Variants in HSP90AA1 observed in about 807,000 individuals in gnomAD.
HSP90AA1 encodes heat shock protein HSP 90-alpha.
A neutral mutation model predicts 73.3 loss-of-function variants in HSP90AA1; 18 were observed. The ratio of observed to expected loss-of-function variants is 0.25; its 90% CI spans 0.17 to 0.36. The LOEUF (loss-of-function observed/expected upper bound fraction) is 0.36, where lower values mean the gene tolerates loss of function less well. Among genes scored for constraint, HSP90AA1 ranks in the 10% least tolerant of loss-of-function variants. HSP90AA1 has a pLI of 1.00. For synonymous variants in HSP90AA1, 477 were observed against 296.9 expected, an observed-to-expected ratio of 1.61 and a Z score of -6.24; for missense variants, 704 against 874.2, an observed-to-expected ratio of 0.81 and a Z score of 2.45.
intron 2 of HSP90AA1, chr14:102,101,848 A>G (rs1385845660): frequency 2.6e-6 from 4 of 1,566,074 alleles, no homozygotes; most frequent in Non-Finnish European, 1.8e-6. Flanking sequence ...TGTTTAGGAT[A>G]GTAATTTTAA....
At chr14:102,092,443 G>T (rs1255778385) in intron 2 of HSP90AA1, among the ~76,000 whole-genome samples, 4 of 151,822 alleles carry the variant, frequency 2.6e-5, no homozygotes, top group Non-Finnish European at 5.9e-5. Flanking sequence ...TAAATTTATT[G>T]GGCCTTGTTT....
intron 1 of HSP90AA1, among the ~76,000 whole-genome samples, chr14:102,132,495 C>T (rs1051727107): frequency 1.3e-5 from 2 of 151,214 alleles, no homozygotes; most frequent in African/African-American, 4.9e-5. Flanking sequence ...TGCAATGAGC[C>T]GGGCCTGTAC....
chr14:102,095,324 T>C (rs915379004), intron 2 of HSP90AA1, among the ~76,000 whole-genome samples: 1 of 152,044 alleles, frequency 6.6e-6, no homozygotes, highest in Admixed American at 6.5e-5. Context: ...TGGGGGTGCT[T>C]GGGTGTGGGA....
rs779114579 is a variant in HSP90AA1, at chr14:102,083,076, G to C, written c.1713C>G (p.Leu571=). 18 of 1,613,822 alleles carry C rather than the reference G, an allele frequency of 1.1e-5. No individual in the cohort carries two copies. The East Asian group carries it at 4.0e-4, about 36-fold the overall frequency. The change falls in exon 9 of 11, where the codon CTC becomes CTG. Residue 571 remains leucine (L), a synonymous_variant. Coordinates refer to ENST00000216281, the MANE Select transcript of HSP90AA1 (RefSeq NM_005348.4). ...QEEKKTKFEN[L]CKIMKDILEK... The stretch of plus-strand genomic sequence containing the variant: ...CCAATATGTCTTTCATGATTTTGCA[G>C]AGGTTCTCAAACTTTGTTTTTTTCT...
At chr14:102,082,548 T>C in intron 9 of HSP90AA1, 104 bp from the exon 10 acceptor site, 1 of 817,452 alleles carries the variant, frequency 1.2e-6, no homozygotes, top group Non-Finnish European at 2.0e-6. Context: ...TCCAAAATAC[T>C]ATCTACTGTC....
At chr14:102,128,434 C>T (rs2049863984) in intron 1 of HSP90AA1, among the ~76,000 whole-genome samples, 1 of 152,002 alleles carries the variant, frequency 6.6e-6, no homozygotes, top group Non-Finnish European at 1.5e-5. Flanking sequence ...TCGAGACCAG[C>T]CTGGCCAACA....
intron 1 of HSP90AA1, among the ~76,000 whole-genome samples, chr14:102,113,542 T>C (rs566279708): frequency 8.6e-4 from 130 of 150,324 alleles, no homozygotes; most frequent in African/African-American, 3.1e-3. Flanking sequence ...TGCCCCACCA[T>C]GCCTGGCTAA....
intron 2 of HSP90AA1, among the ~76,000 whole-genome samples, chr14:102,100,914 CT>C (rs2049484450): frequency 1.3e-5 from 2 of 152,206 alleles, no homozygotes; most frequent in African/African-American, 4.8e-5. Flanking sequence ...GACGTATAAA[CT>C]CTGACATGGC....
rs2049095803 is a variant in HSP90AA1, at chr14:102,081,433, C to T, written c.*279G>A. ...GGCTTGACAGCTAAACACTTTAGAC[C>T]ACAAAGTTAACATCATGTTACATAC... is the stretch of plus-strand genomic sequence containing the variant. On this transcript the variant is annotated 3_prime_UTR_variant, in exon 11 of 11. Transcript: ENST00000216281. 2.6e-6 allele frequency: 1 copy of T among 391,472 alleles called. No homozygotes were observed. Among genetic ancestry groups the T allele is most frequent in the African/African-American group, 3.5e-5 (1 of 28,868 alleles). 24.2% of individuals were successfully genotyped at this position (391,472 alleles called of 1,614,324 possible).
upstream of HSP90AA1, among the ~76,000 whole-genome samples, chr14:102,089,257 T>C (rs1347913893): frequency 6.6e-6 from 1 of 152,106 alleles, no homozygotes; most frequent in Admixed American, 6.6e-5. Flanking sequence ...TTGGGGACCT[T>C]CATTTACCCC....
chr14:102,124,468 T>C (rs1207834436), intron 1 of HSP90AA1, among the ~76,000 whole-genome samples: 1 of 152,132 alleles, frequency 6.6e-6, no homozygotes, highest in African/African-American at 2.4e-5. Flanking sequence ...GCTGGGATTA[T>C]AGGTGTGAGC....
intron 1 of HSP90AA1, among the ~76,000 whole-genome samples, chr14:102,134,322 CAAAAAAAAAAAAAAA>C (rs57081266): frequency 1.4e-5 from 1 of 69,090 alleles, no homozygotes. Context: ...GGCTCTGTCT[CAAAAAAAAAAAAAAA>C]AAAAAAAAGG....
intron 1 of HSP90AA1, among the ~76,000 whole-genome samples, chr14:102,138,305 C>T: frequency 6.6e-6 from 1 of 152,026 alleles, no homozygotes; most frequent in Non-Finnish European, 1.5e-5. Flanking sequence ...ATGCCACTAT[C>T]CTTCAAGTTG....
At chr14:102,111,260 A>T (rs745494330) in intron 1 of HSP90AA1, among the ~76,000 whole-genome samples, 4 of 152,222 alleles carry the variant, frequency 2.6e-5, no homozygotes, top group Non-Finnish European at 5.9e-5. Context: ...AGAAGGAAAA[A>T]ATGGTTTTAT....
chr14:102,128,773 C>T (rs931516221), intron 1 of HSP90AA1, among the ~76,000 whole-genome samples: 24 of 151,876 alleles, frequency 1.6e-4, no homozygotes, highest in African/African-American at 5.1e-4. Flanking sequence ...TGCATTCCAG[C>T]GTGAGCCATA....
chr14:102,087,951 C>T (rs56115840), upstream of HSP90AA1, among the ~76,000 whole-genome samples: 67,418 of 93,950 alleles, frequency 0.72, 21,914 homozygotes, highest in East Asian at 0.94. Context: ...TTTTTTTTTT[C>T]TTTTTTTTTT....
upstream of HSP90AA1, among the ~76,000 whole-genome samples, chr14:102,090,393 A>G (rs540351925): frequency 1.7e-4 from 25 of 146,402 alleles, no homozygotes; most frequent in African/African-American, 6.3e-4. Flanking sequence ...AAGTTCTTCC[A>G]CTCCTGCTTC....
In HSP90AA1 at chr14:102,083,986, GA is replaced by G; in HGVS notation, c.1148-4del. 6 of 1,611,224 alleles carry G rather than the reference GA, an allele frequency of 3.7e-6. No individual in the cohort carries two copies. Among genetic ancestry groups the G allele is most frequent in the Non-Finnish European group, 4.2e-6 (5 of 1,177,464 alleles). ...GTCTACCACCCCTCTAATGAAGTCT[GA>G]AAAAAATATAAACCAAATGCACTGA... On this transcript the variant is annotated splice_polypyrimidine_tract_variant and splice_region_variant and intron_variant, in intron 6 of 10. Coordinates refer to ENST00000216281, the MANE Select transcript of HSP90AA1 (RefSeq NM_005348.4).
intron 2 of HSP90AA1, among the ~76,000 whole-genome samples, chr14:102,096,892 G>T (rs1467789949): frequency 6.6e-6 from 1 of 152,186 alleles, no homozygotes; most frequent in Non-Finnish European, 1.5e-5. Flanking sequence ...GTGACCTCCA[G>T]TATAGATCAC....
Sources: gnomAD v4.1 joint callset for allele counts (sites outside exome capture counted in the v4.1 genomes callset) on GRCh38, gnomAD v4.1.1 for gene constraint, MANE v1.5 for transcripts, NCBI Gene and HGNC (gene_info 2026-07-23, HGNC 2026-07-21) for gene names.